The following AFF3 variants were observed in gnomAD, a reference collection of about 807,000 sequenced individuals.
AFF3 encodes the protein AF4/FMR2 family member 3.
AFF3 carries 32 observed loss-of-function variants against 129.7 expected under a neutral mutation model. The ratio of observed to expected loss-of-function variants is 0.25; its 90% confidence interval spans 0.19 to 0.33. The LOEUF (loss-of-function observed/expected upper bound fraction) is 0.33. Ranked by LOEUF, AFF3 falls within the 10% of genes least tolerant of loss-of-function variation. The pLI is 1.00. For missense variants in AFF3, 1,373 were observed against 1,592.0 expected, an observed-to-expected ratio of 0.86 and a Z score of 2.34; for synonymous variants, 644 against 635.4, an observed-to-expected ratio of 1.01 and a Z score of -0.20.
rs1481879079 is a variant in AFF3 at position 99,593,575 on chromosome 2, C to T, written c.2086G>A (p.Val696Met). The change falls in exon 15 of 25, where the codon GTG becomes ATG. Residue 696 changes from valine (V) to methionine (M), a missense_variant. Physicochemically the swap from Val to Met is conservative, Grantham distance 21 (BLOSUM62 1). This residue lies in a region of AFF3 where 466 missense variants were observed against 505.0 expected (regional missense o/e 0.92). Coordinates refer to ENST00000672756, the MANE Select transcript of AFF3 (RefSeq NM_001386135.1). ...EEYPLSKAQTVAASASSGNDQ... is the reference protein window; with the variant it reads ...EEYPLSKAQTMAASASSGNDQ... The stretch of plus-strand genomic sequence containing the variant: ...TTCCCGGAGGAGGCAGAGGCAGCCA[C>T]GGTCTGTGCTTTGGACAGAGGGTAC... 9 of 1,613,044 alleles carry T rather than the reference C, an allele frequency of 5.6e-6. No individual in the cohort carries two copies. The highest frequency in any genetic ancestry group is 7.6e-6 in the Non-Finnish European group (9 of 1,179,916).
At chr2:99,966,532 T>C (rs1312224337) in intron 7 of AFF3, among the ~76,000 whole-genome samples, 55 of 148,634 alleles carry the variant, frequency 3.7e-4, no homozygotes, top group Non-Finnish European at 6.3e-4. Flanking sequence ...CTACTAAAAA[T>C]ACAAAAAATT....
At chr2:100,080,232 A>T (rs529453584) in intron 4 of AFF3, among the ~76,000 whole-genome samples, 5 of 152,226 alleles carry the variant, frequency 3.3e-5, no homozygotes, top group Non-Finnish European at 7.3e-5. Flanking sequence ...TATGTTTGAT[A>T]GAGGCACTGT....
At chr2:99,596,584 G>A (rs747501880) in intron 14 of AFF3, among the ~76,000 whole-genome samples, 2 of 151,282 alleles carry the variant, frequency 1.3e-5, no homozygotes, top group Admixed American at 1.3e-4. Context: ...ACACACACAC[G>A]GCAGAACACA....
intron 7 of AFF3, among the ~76,000 whole-genome samples, chr2:99,985,976 G>A (rs1214718646): frequency 6.6e-6 from 1 of 151,942 alleles, no homozygotes; most frequent in Non-Finnish European, 1.5e-5. Flanking sequence ...CGAGGTGGGC[G>A]GATCACGAGG....
intron 13 of AFF3, among the ~76,000 whole-genome samples, chr2:99,640,936 T>G (rs896682884): frequency 6.6e-6 from 1 of 152,208 alleles, no homozygotes; most frequent in African/African-American, 2.4e-5. Flanking sequence ...AGGGATGCAC[T>G]GCGTAACCGA....
chr2:99,622,828 G>A (rs1329690043), intron 13 of AFF3, among the ~76,000 whole-genome samples: 1 of 152,226 alleles, frequency 6.6e-6, no homozygotes, highest in Non-Finnish European at 1.5e-5. Context: ...GCAGAGTCAG[G>A]CCCTGGCTGG....
intron 7 of AFF3, among the ~76,000 whole-genome samples, chr2:99,941,194 G>A (rs1204647274): frequency 1.3e-5 from 2 of 152,134 alleles, no homozygotes; most frequent in African/African-American, 4.8e-5. Flanking sequence ...GGCCACAGAC[G>A]GTGACCACAG....
At chr2:100,034,544 T>A (rs1393384425) in intron 4 of AFF3, among the ~76,000 whole-genome samples, 4 of 152,038 alleles carry the variant, frequency 2.6e-5, no homozygotes, top group South Asian at 4.1e-4. Context: ...TTTTTTTTTT[T>A]AATCTGCAAA....
intron 2 of AFF3, among the ~76,000 whole-genome samples, chr2:100,117,619 A>G (rs955217752): frequency 1.3e-5 from 2 of 152,202 alleles, no homozygotes; most frequent in African/African-American, 4.8e-5. Flanking sequence ...TATTTCTCCT[A>G]TCTGTTGTTT....
At chr2:99,826,980 T>C (rs1275986862) in intron 8 of AFF3, among the ~76,000 whole-genome samples, 3 of 151,610 alleles carry the variant, frequency 2.0e-5, no homozygotes, top group Non-Finnish European at 4.4e-5. Context: ...GCTGACAGGC[T>C]TGGTGAGGAA....
At chr2:100,076,856 A>G (rs1473065260) in intron 4 of AFF3, among the ~76,000 whole-genome samples, 1 of 152,218 alleles carries the variant, frequency 6.6e-6, no homozygotes, top group Non-Finnish European at 1.5e-5. Flanking sequence ...ATGTGCAGTA[A>G]GTAGAAGAAT....
At chr2:99,725,560 T>C (rs183749145) in intron 11 of AFF3, among the ~76,000 whole-genome samples, 1 of 151,534 alleles carries the variant, frequency 6.6e-6, no homozygotes, top group East Asian at 2.0e-4. Context: ...AAATTCCTGG[T>C]CTCAAGTGAT....
intron 10 of AFF3, among the ~76,000 whole-genome samples, chr2:99,742,254 G>A (rs1207972719): frequency 6.6e-6 from 1 of 151,992 alleles, no homozygotes; most frequent in Non-Finnish European, 1.5e-5. Flanking sequence ...TAATGTGGGA[G>A]GATTGCTTGA....
chr2:99,893,290 C>T (rs1450859052), intron 7 of AFF3, among the ~76,000 whole-genome samples: 4 of 152,208 alleles, frequency 2.6e-5, no homozygotes, highest in African/African-American at 9.6e-5. Flanking sequence ...TGAAGTATTT[C>T]ACAGAGTGTG....
chr2:99,812,037 C>T (rs1358267409), intron 8 of AFF3, among the ~76,000 whole-genome samples: 1 of 152,198 alleles, frequency 6.6e-6, no homozygotes, highest in Admixed American at 6.5e-5. Context: ...CAGAAATGTG[C>T]TCATTCTAGG....
chr2:99,923,841 C>A (rs915471915), intron 7 of AFF3, among the ~76,000 whole-genome samples: 2 of 151,792 alleles, frequency 1.3e-5, no homozygotes, highest in African/African-American at 4.8e-5. Context: ...TAGAGAGTCA[C>A]GGTGTATAAT....
intron 4 of AFF3, among the ~76,000 whole-genome samples, chr2:100,085,047 T>C (rs991679775): frequency 2.6e-5 from 4 of 152,110 alleles, no homozygotes; most frequent in Admixed American, 1.3e-4. Flanking sequence ...TCAGTTTCTG[T>C]CTCAACTATT....
At chr2:100,099,806 A>G (rs1000723831) in intron 4 of AFF3, among the ~76,000 whole-genome samples, 3 of 152,258 alleles carry the variant, frequency 2.0e-5, no homozygotes, top group African/African-American at 7.2e-5. Flanking sequence ...AAAAAGAAAA[A>G]AGAGAAAGAA....
At chr2:100,077,991 G>A (rs932212591) in intron 4 of AFF3, among the ~76,000 whole-genome samples, 18 of 152,116 alleles carry the variant, frequency 1.2e-4, no homozygotes, top group Admixed American at 3.3e-4. Flanking sequence ...TAGTATTGTC[G>A]ACAACTCACT....
Sources: allele counts gnomAD v4.1 joint callset (sites outside exome capture counted in the v4.1 genomes callset), GRCh38; gene constraint gnomAD v4.1.1; regional missense constraint gnomAD v4.1.1; transcripts MANE v1.5; gene names NCBI Gene and HGNC (gene_info 2026-07-23, HGNC 2026-07-21).